The following MSRA variants were observed in gnomAD, a reference collection of about 807,000 sequenced individuals.
MSRA encodes the protein methionine sulfoxide reductase A, also known as mitochondrial peptide methionine sulfoxide reductase.
MSRA carries 54 observed loss-of-function variants against 31.3 expected under a neutral mutation model. The ratio of observed to expected loss-of-function variants is 1.73; its 90% CI spans 1.39 to 2.17. The LOEUF is 2.17. Ranked by LOEUF, MSRA falls within the 30% of genes most tolerant of loss-of-function variation. MSRA has a pLI of 0.00. For missense variants in MSRA, 507 were observed against 300.9 expected (o/e 1.69, Z -5.07); for synonymous variants, 169 against 116.5 (o/e 1.45, Z -2.90).
intron 2 of MSRA, among the ~76,000 whole-genome samples, chr8:10,213,432 C>CTTTTTTTT (rs1198665886): frequency 1.3e-4 from 10 of 76,754 alleles, no homozygotes; most frequent in African/African-American, 2.6e-4. Flanking sequence ...ACCACACTTT[C>CTTTTTTTT]TTTTTTTTTT....
chr8:10,219,761 G>T (rs946704158), intron 2 of MSRA, among the ~76,000 whole-genome samples: 1 of 121,068 alleles, frequency 8.3e-6, no homozygotes, highest in African/African-American at 3.3e-5. Flanking sequence ...AGCCAAGATC[G>T]CACCACTGCA....
intron 1 of MSRA, among the ~76,000 whole-genome samples, chr8:10,185,149 A>G (rs1397546919): frequency 4.6e-5 from 7 of 152,174 alleles, no homozygotes; most frequent in African/African-American, 1.4e-4. Context: ...TCATCTCTGG[A>G]GATGGCTGTG....
intron 4 of MSRA, among the ~76,000 whole-genome samples, chr8:10,306,840 C>G (rs1175416014): frequency 6.6e-6 from 1 of 152,214 alleles, no homozygotes; most frequent in African/African-American, 2.4e-5. Flanking sequence ...CCCACTAAAT[C>G]TGATTTCTCA....
At chr8:10,127,900 T>C (rs1801615702) in intron 1 of MSRA, among the ~76,000 whole-genome samples, 1 of 152,156 alleles carries the variant, frequency 6.6e-6, no homozygotes, top group African/African-American at 2.4e-5. Flanking sequence ...TTTTATTGCC[T>C]TCACGTGGGG....
At chr8:10,344,549 T>C (rs1457886446) in intron 5 of MSRA, among the ~76,000 whole-genome samples, 1 of 113,168 alleles carries the variant, frequency 8.8e-6, no homozygotes, top group East Asian at 2.9e-4. Context: ...CACTCCAGCC[T>C]GGGTGACAGA....
chr8:10,411,290 C>G (rs1370558973), intron 5 of MSRA: 1 of 152,136 alleles, frequency 6.6e-6, no homozygotes, highest in Non-Finnish European at 1.5e-5. Context: ...TGTGGGCCGT[C>G]CTCTGTGTGT....
intron 1 of MSRA, among the ~76,000 whole-genome samples, chr8:10,077,653 C>T (rs1266215075): frequency 6.6e-6 from 1 of 151,948 alleles, no homozygotes; most frequent in Non-Finnish European, 1.5e-5. Flanking sequence ...AGTTACTTTT[C>T]TGCTCTTTTT....
intron 1 of MSRA, among the ~76,000 whole-genome samples, chr8:10,184,232 T>A (rs914030009): frequency 2.0e-5 from 3 of 151,962 alleles, no homozygotes; most frequent in African/African-American, 7.3e-5. Flanking sequence ...ATGGAAGTGG[T>A]TGTGTTGATG....
At chr8:10,057,630 G>T (rs775329674) in intron 1 of MSRA, among the ~76,000 whole-genome samples, 4 of 151,898 alleles carry the variant, frequency 2.6e-5, no homozygotes, top group South Asian at 2.1e-4. Context: ...TGAAACATGC[G>T]GGGGGTGGAC....
chr8:10,054,370 G>GCC lies in MSRA; in HGVS notation c.-144_-143dup. On this transcript the variant is annotated 5_prime_UTR_variant, in exon 1 of 6. Coordinates refer to ENST00000317173, the MANE Select transcript of MSRA (RefSeq NM_012331.5). ...CAACCTCGATTACGGGCGGCCTCCA[G>GCC]CCCCGCCAGCAGCGCCCCGCGCCCG... is the stretch of plus-strand genomic sequence containing the variant. The GCC allele has an allele frequency of 1.3e-6, 1 of 782,488 alleles. No individual in the cohort carries two copies. The highest frequency in any genetic ancestry group is 3.9e-5 in the East Asian group (1 of 25,660). 48.5% of individuals were successfully genotyped at this position (782,488 alleles called of 1,614,324 possible). A position where few individuals can be genotyped will look rare whatever the true frequency, so the allele number is the denominator to read the frequency against.
chr8:10,256,901 A>C (rs1798213341), intron 3 of MSRA, among the ~76,000 whole-genome samples: 1 of 152,192 alleles, frequency 6.6e-6, no homozygotes, highest in South Asian at 2.1e-4. Flanking sequence ...CCAAATGGCT[A>C]CCAAGGTGGG....
chr8:10,407,390 G>T (rs933231590), intron 5 of MSRA, among the ~76,000 whole-genome samples: 1 of 152,200 alleles, frequency 6.6e-6, no homozygotes, highest in Non-Finnish European at 1.5e-5. Context: ...ACAAAGGTGG[G>T]TGATGGCTGA....
chr8:10,353,577 G>T (rs1367543089), intron 5 of MSRA: 2 of 455,652 alleles, frequency 4.4e-6, no homozygotes, highest in Non-Finnish European at 8.8e-6. Context: ...TTTCTGGGTA[G>T]CCTCTGTACC....
intron 1 of MSRA, among the ~76,000 whole-genome samples, chr8:10,114,838 A>C (rs1800562165): frequency 6.6e-6 from 1 of 152,244 alleles, no homozygotes; most frequent in Non-Finnish European, 1.5e-5. Context: ...ATGTAATATA[A>C]TTCTAGCAGA....
rs1321725320 is a variant in MSRA at position 10,243,588 on chromosome 8, C to G, written c.212-1516C>G. 9.2e-5 allele frequency among the ~76,000 whole-genome samples: 14 copies of G among 151,604 alleles called. No homozygotes were observed. In the South Asian group the frequency reaches 2.7e-3, roughly 29 times the overall value. On this transcript the variant is annotated intron_variant, in intron 2 of 5. Coordinates refer to ENST00000317173, the MANE Select transcript of MSRA (RefSeq NM_012331.5). ...TTATTTCTTTGAATATTTTGCTTTTCTTTAAAAATGTAAATTTTTTATTCT... is the reference window on the plus strand; with the variant it reads ...TTATTTCTTTGAATATTTTGCTTTTGTTTAAAAATGTAAATTTTTTATTCT...
intron 4 of MSRA, among the ~76,000 whole-genome samples, chr8:10,305,173 G>A (rs1231256328): frequency 5.3e-5 from 8 of 152,166 alleles, no homozygotes; most frequent in Non-Finnish European, 1.2e-4. Flanking sequence ...TATAGGAGAA[G>A]CAGTATCTAC....
chr8:10,282,709 T>TATC (rs558421440), intron 3 of MSRA, among the ~76,000 whole-genome samples: 198 of 152,272 alleles, frequency 1.3e-3, no homozygotes, highest in African/African-American at 4.5e-3. Context: ...CTCCAGACCT[T>TATC]ATCACTACCA....
chr8:10,403,555 C>A (rs1448821774), intron 5 of MSRA, among the ~76,000 whole-genome samples: 1 of 152,166 alleles, frequency 6.6e-6, no homozygotes, highest in Non-Finnish European at 1.5e-5. Context: ...TGGTCCGCGG[C>A]ACTGAAGAGG....
intron 1 of MSRA, among the ~76,000 whole-genome samples, chr8:10,122,825 T>C (rs969928644): frequency 6.6e-6 from 1 of 152,216 alleles, no homozygotes; most frequent in African/African-American, 2.4e-5. Context: ...CTAAGGATAA[T>C]ATCCGCCAGC....
Sources: allele counts gnomAD v4.1 joint callset (sites outside exome capture counted in the v4.1 genomes callset), GRCh38; gene constraint gnomAD v4.1.1; transcripts MANE v1.5; gene names NCBI Gene and HGNC (gene_info 2026-07-23, HGNC 2026-07-21).